Variants in SLC30A8 observed in about 807,000 individuals in gnomAD.
SLC30A8 encodes the protein solute carrier family 30 member 8.
A neutral mutation model predicts 36.9 loss-of-function variants in SLC30A8; 27 were observed. The ratio of observed to expected loss-of-function variants is 0.73; its 90% CI spans 0.54 to 1.01. The LOEUF (loss-of-function observed/expected upper bound fraction) is 1.01. SLC30A8 is among the 50% of genes least tolerant of loss of function. The pLI, the probability that SLC30A8 is intolerant of heterozygous loss-of-function variation, is 0.00. For synonymous variants in SLC30A8, 164 were observed against 172.4 expected, an observed-to-expected ratio of 0.95 and a Z score of 0.38; for missense variants, 439 against 452.0, an observed-to-expected ratio of 0.97 and a Z score of 0.26.
intron 5 of SLC30A8, among the ~76,000 whole-genome samples, chr8:117,162,727 G>C (rs1164486640): frequency 6.6e-6 from 1 of 152,154 alleles, no homozygotes; most frequent in Admixed American, 6.6e-5. Context: ...TTAGGTCTAA[G>C]GCAAAACTAG....
At chr8:117,036,670 T>A (rs944568829) in intron 1 of SLC30A8, among the ~76,000 whole-genome samples, 4 of 152,104 alleles carry the variant, frequency 2.6e-5, no homozygotes, top group Non-Finnish European at 4.4e-5. Context: ...TCAGATCTCA[T>A]GAGAACTCAC....
chr8:117,133,222 G>A (rs189715609), upstream of SLC30A8, among the ~76,000 whole-genome samples: 343 of 151,884 alleles, frequency 2.3e-3, 3 homozygotes, highest in South Asian at 0.016. Flanking sequence ...TTTGACAGGG[G>A]GTAGCAGTAT....
intron 2 of SLC30A8, among the ~76,000 whole-genome samples, chr8:117,079,241 C>A (rs1282587128): frequency 6.6e-6 from 1 of 152,108 alleles, no homozygotes; most frequent in Non-Finnish European, 1.5e-5. Flanking sequence ...AGCTCCCGAC[C>A]TCAGGTGATC....
At chr8:117,113,406 C>T (rs1820315163) in intron 2 of SLC30A8, among the ~76,000 whole-genome samples, 1 of 152,064 alleles carries the variant, frequency 6.6e-6, no homozygotes, top group African/African-American at 2.4e-5. Context: ...ATATTATTTG[C>T]CCTTCCTCCC....
At chr8:117,134,574 G>T (rs1212057113), upstream of SLC30A8, among the ~76,000 whole-genome samples, 2 of 151,942 alleles carry the variant, frequency 1.3e-5, no homozygotes, top group Non-Finnish European at 2.9e-5. Flanking sequence ...GTGAATCCTT[G>T]ATCCTTAGTA....
chr8:117,133,389 A>G (rs914266921), upstream of SLC30A8, among the ~76,000 whole-genome samples: 1 of 151,990 alleles, frequency 6.6e-6, no homozygotes, highest in Non-Finnish European at 1.5e-5. Context: ...TATAAATTAT[A>G]TGTCAATTAT....
chr8:117,025,073 T>A (rs72685392), intron 1 of SLC30A8, among the ~76,000 whole-genome samples: 11 of 152,342 alleles, frequency 7.2e-5, no homozygotes, highest in Non-Finnish European at 1.5e-4. Flanking sequence ...ATTCTGTCAC[T>A]TAGTTTAAGC....
chr8:117,158,803 G>A (rs1427822274), intron 4 of SLC30A8, among the ~76,000 whole-genome samples: 26 of 152,138 alleles, frequency 1.7e-4, no homozygotes, highest in Admixed American at 1.7e-3. Flanking sequence ...TAGTGATCTA[G>A]CTAGCTATCG....
At chr8:117,060,308 TG>T (rs1351744111) in intron 2 of SLC30A8, among the ~76,000 whole-genome samples, 1 of 151,730 alleles carries the variant, frequency 6.6e-6, no homozygotes, top group Non-Finnish European at 1.5e-5. Flanking sequence ...AGCAAGCGGG[TG>T]GGAGCATCTA....
rs1290246133 is a variant in SLC30A8, at chr8:117,097,412, A to ATATAT, written c.-225-37868_-225-37867insTATAT. 2.2e-3 allele frequency among the ~76,000 whole-genome samples: 269 copies of ATATAT among 120,454 alleles called. 2 individuals carry two copies. The highest frequency in any genetic ancestry group is 3.1e-3 in the African/African-American group (86 of 27,980). The allele number at this position is 120,454 out of a possible 152,430, so 79.0% of individuals were successfully genotyped here. ...ACTCCATCTCAAAAAAAAAAAAAAAAAAAAAAATATATATAAATATATATA... is the reference window on the plus strand; with the variant it reads ...ACTCCATCTCAAAAAAAAAAAAAAAATATATAAAAAAATATATATAAATATATATA... On this transcript the variant is annotated intron_variant, in intron 2 of 10. Coordinates refer to the SLC30A8 transcript ENST00000427715.
intron 1 of SLC30A8, among the ~76,000 whole-genome samples, chr8:117,137,027 ATG>A (rs1821396396): frequency 6.6e-6 from 1 of 151,996 alleles, no homozygotes; most frequent in South Asian, 2.1e-4. Context: ...GTCAGAATAA[ATG>A]TGTTTCTTGA....
chr8:117,103,958 A>C (rs1000384858), intron 2 of SLC30A8, among the ~76,000 whole-genome samples: 1 of 152,150 alleles, frequency 6.6e-6, no homozygotes, highest in Non-Finnish European at 1.5e-5. Context: ...TAACATTCTC[A>C]AAACCCTTAA....
intron 2 of SLC30A8, among the ~76,000 whole-genome samples, chr8:117,042,476 A>G (rs1271347997): frequency 1.3e-5 from 2 of 152,154 alleles, no homozygotes; most frequent in Non-Finnish European, 2.9e-5. Flanking sequence ...GCAGACTTTC[A>G]TGTATCTGTG....
At chr8:117,166,566 C>T (rs1823066485) in intron 6 of SLC30A8, among the ~76,000 whole-genome samples, 1 of 152,062 alleles carries the variant, frequency 6.6e-6, no homozygotes, top group South Asian at 2.1e-4. Flanking sequence ...GTAGGAGGAG[C>T]AAGAATTTGA....
chr8:117,096,636 T>C (rs1819377488), intron 2 of SLC30A8, among the ~76,000 whole-genome samples: 1 of 152,280 alleles, frequency 6.6e-6, no homozygotes, highest in East Asian at 1.9e-4. Context: ...AGGATAATAT[T>C]TGACACCTCA....
At chr8:116,955,881 C>A (rs937961884) in intron 1 of SLC30A8, among the ~76,000 whole-genome samples, 1 of 152,208 alleles carries the variant, frequency 6.6e-6, no homozygotes, top group African/African-American at 2.4e-5. Context: ...GACTTCAGGC[C>A]TCCAGAACTG....
chr8:117,092,383 A>G (rs1352622733), intron 2 of SLC30A8, among the ~76,000 whole-genome samples: 1 of 152,068 alleles, frequency 6.6e-6, no homozygotes, highest in Admixed American at 6.5e-5. Flanking sequence ...AAAAAACACT[A>G]TGATGAGTTA....
intron 2 of SLC30A8, among the ~76,000 whole-genome samples, chr8:117,101,555 T>A (rs1446071395): frequency 6.6e-6 from 1 of 152,218 alleles, no homozygotes; most frequent in Non-Finnish European, 1.5e-5. Flanking sequence ...TTAATAGTGC[T>A]TATCAACTTG....
At chr8:117,098,568 G>T (rs1459112421) in intron 2 of SLC30A8, among the ~76,000 whole-genome samples, 1 of 152,152 alleles carries the variant, frequency 6.6e-6, no homozygotes, top group Non-Finnish European at 1.5e-5. Flanking sequence ...GGCACTAAGT[G>T]AGAAAGACAC....
Sources: gnomAD v4.1 joint callset for allele counts (sites outside exome capture counted in the v4.1 genomes callset) on GRCh38, gnomAD v4.1.1 for gene constraint, MANE v1.5 for transcripts, NCBI Gene and HGNC (gene_info 2026-07-23, HGNC 2026-07-21) for gene names.